The following ZNF148 variants were observed in gnomAD, a reference collection of about 807,000 sequenced individuals.
ZNF148 encodes the protein zinc finger protein 148.
ZNF148 carries 7 observed loss-of-function variants against 67.7 expected under a neutral mutation model. That is an observed-to-expected ratio of 0.10 (90% confidence interval 0.06 to 0.19). The LOEUF is 0.19. Ranked by LOEUF, ZNF148 falls within the 10% of genes least tolerant of loss-of-function variation. ZNF148 has a pLI of 1.00. For missense variants in ZNF148, 583 were observed against 947.1 expected (o/e 0.62, Z 5.05); for synonymous variants, 333 against 330.7 (o/e 1.01, Z -0.08).
intron 1 of ZNF148, among the ~76,000 whole-genome samples, chr3:125,365,308 G>A (rs1942667832): frequency 6.6e-6 from 1 of 152,056 alleles, no homozygotes; most frequent in Non-Finnish European, 1.5e-5. Flanking sequence ...GTCCATCAAA[G>A]TATCCTCCAG....
chr3:125,349,830 G>A (rs1942073260), intron 1 of ZNF148, among the ~76,000 whole-genome samples: 1 of 152,176 alleles, frequency 6.6e-6, no homozygotes, highest in African/African-American at 2.4e-5. Flanking sequence ...GACAGAGCCA[G>A]ACCCTGTCTC....
intron 1 of ZNF148, among the ~76,000 whole-genome samples, chr3:125,358,212 C>A (rs1942427080): frequency 6.6e-6 from 1 of 152,034 alleles, no homozygotes; most frequent in African/African-American, 2.4e-5. Flanking sequence ...ATTCAGGAGG[C>A]TGAGACAGGA....
chr3:125,267,549 C>CA (rs1937560751), intron 7 of ZNF148, among the ~76,000 whole-genome samples: 1 of 151,536 alleles, frequency 6.6e-6, no homozygotes, highest in African/African-American at 2.4e-5. Context: ...TAAAAACCCT[C>CA]AAAAAACTAG....
intron 1 of ZNF148, among the ~76,000 whole-genome samples, chr3:125,362,640 C>T (rs759487542): frequency 2.5e-4 from 38 of 151,738 alleles, no homozygotes; most frequent in African/African-American, 7.3e-4. Flanking sequence ...CTGCAACCTC[C>T]GCCTCCCAAG....
chr3:125,267,225 A>G (rs1172203252), intron 7 of ZNF148, among the ~76,000 whole-genome samples: 1 of 152,070 alleles, frequency 6.6e-6, no homozygotes, highest in Non-Finnish European at 1.5e-5. Context: ...AACCAGTATC[A>G]TCCTGATACC....
intron 7 of ZNF148, among the ~76,000 whole-genome samples, chr3:125,242,345 G>A (rs1159840831): frequency 2.6e-5 from 4 of 152,352 alleles, no homozygotes; most frequent in Non-Finnish European, 5.9e-5. Context: ...ATATGGCCGG[G>A]TGCAGTGGCT....
At chr3:125,355,960 T>C (rs1942327338) in intron 1 of ZNF148, among the ~76,000 whole-genome samples, 1 of 152,178 alleles carries the variant, frequency 6.6e-6, no homozygotes, top group Non-Finnish European at 1.5e-5. Flanking sequence ...TTAATTCCTC[T>C]TCTCCCTAGC....
chr3:125,352,854 A>C (rs937717186), intron 1 of ZNF148, among the ~76,000 whole-genome samples: 7 of 152,200 alleles, frequency 4.6e-5, no homozygotes, highest in African/African-American at 1.4e-4. Flanking sequence ...ACTCTACTCG[A>C]TAAGACTCAC....
chr3:125,367,078 AGCATTATATGCTTTT>A (rs1252700275), intron 1 of ZNF148, among the ~76,000 whole-genome samples: 2 of 152,226 alleles, frequency 1.3e-5, no homozygotes, highest in African/African-American at 4.8e-5. Flanking sequence ...CTGACAGCAA[AGCATTATATGCTTTT>A]GCATATAACA....
intron 1 of ZNF148, among the ~76,000 whole-genome samples, chr3:125,354,751 T>C (rs1942280930): frequency 6.6e-6 from 1 of 152,194 alleles, no homozygotes; most frequent in African/African-American, 2.4e-5. Flanking sequence ...GTTTTAAAAA[T>C]TGTATGTGGT....
rs185622887 is a variant in ZNF148 at position 125,308,148 on chromosome 3, C to T, written c.333+5160G>A. 2.1e-3 allele frequency among the ~76,000 whole-genome samples: 324 copies of T among 152,014 alleles called. 1 individual carries two copies. Among genetic ancestry groups the T allele is most frequent in the Middle Eastern group, 0.014 (4 of 294 alleles). ...TATGGACAATACAATAGTGAAGAAA[C>T]CTAAGGAATCTACAACATAACTACT... On this transcript the variant is annotated intron_variant, in intron 4 of 8. Transcript: ENST00000360647.
intron 7 of ZNF148, among the ~76,000 whole-genome samples, chr3:125,263,446 G>A (rs1937430047): frequency 6.6e-6 from 1 of 151,976 alleles, no homozygotes; most frequent in Non-Finnish European, 1.5e-5. Flanking sequence ...AGGTACTCAG[G>A]AGGCTGGGGC....
At chr3:125,303,216 A>T (rs558623229) in intron 4 of ZNF148, among the ~76,000 whole-genome samples, 1 of 152,354 alleles carries the variant, frequency 6.6e-6, no homozygotes, top group South Asian at 2.1e-4. Context: ...GAATGATGGA[A>T]GGAAGAGAAG....
chr3:125,257,153 G>T (rs1035566257), intron 7 of ZNF148, among the ~76,000 whole-genome samples: 11 of 151,564 alleles, frequency 7.3e-5, no homozygotes, highest in Admixed American at 2.6e-4. Flanking sequence ...TTTTCTCTTG[G>T]CTTTCTGTCA....
At chr3:125,331,431 T>C (rs1433282771) in intron 1 of ZNF148, among the ~76,000 whole-genome samples, 193 bp from the exon 2 acceptor site, 1 of 152,228 alleles carries the variant, frequency 6.6e-6, no homozygotes, top group East Asian at 1.9e-4. Context: ...CATCAAATGC[T>C]AAATGATATC....
chr3:125,303,660 G>C lies in ZNF148; in HGVS notation c.333+9648C>G, dbSNP rs1390835061. 7.2e-5 allele frequency among the ~76,000 whole-genome samples: 11 copies of C among 151,952 alleles called. No individual in the cohort carries two copies. In the East Asian group the frequency reaches 2.1e-3, roughly 29 times the overall value. On this transcript the variant is annotated intron_variant, in intron 4 of 8. Transcript: ENST00000360647. ...GTCTAGTTGCAGGAAAACAAGCCCA[G>C]GGCTCCTACTGACTCTACATTATGG...
chr3:125,345,474 A>G (rs1354467140), intron 1 of ZNF148, among the ~76,000 whole-genome samples: 1 of 152,166 alleles, frequency 6.6e-6, no homozygotes, highest in Non-Finnish European at 1.5e-5. Context: ...ACTAAAAAAG[A>G]GCAAAATGAA....
chr3:125,331,823 AACATTCCACATTGGT>A (rs1941302342), intron 1 of ZNF148, among the ~76,000 whole-genome samples: 1 of 152,228 alleles, frequency 6.6e-6, no homozygotes. Context: ...ACAGAAAATT[AACATTCCACATTGGT>A]ACTGCATTGA....
In ZNF148 at chr3:125,303,493, C is replaced by T. The variant is rs372755768; in HGVS notation, c.333+9815G>A. ...GCCTGAGCTCTGCCTCCTGTTAGGT[C>T]ACCGACAGCATTAAATTCTCATAGG... is the stretch of plus-strand genomic sequence containing the variant. On this transcript the variant is annotated intron_variant, in intron 4 of 8. Coordinates refer to ENST00000360647, the MANE Select transcript of ZNF148 (RefSeq NM_021964.3). Among the ~76,000 whole-genome samples the T allele has an allele frequency of 3.6e-4, 55 of 152,286 alleles. 1 individual carries two copies. In the South Asian group the frequency reaches 7.9e-3, roughly 22 times the overall value.
Sources: gnomAD v4.1 joint callset for allele counts (sites outside exome capture counted in the v4.1 genomes callset) on GRCh38, gnomAD v4.1.1 for gene constraint, MANE v1.5 for transcripts, NCBI Gene and HGNC (gene_info 2026-07-23, HGNC 2026-07-21) for gene names.